TEX11: variants seen among roughly 807,000 people sequenced by gnomAD.
TEX11 encodes testis-expressed protein 11.
A neutral mutation model predicts 84.4 loss-of-function variants in TEX11; 7 were observed. The ratio of observed to expected loss-of-function variants is 0.08; its 90% CI spans 0.05 to 0.16. The LOEUF (loss-of-function observed/expected upper bound fraction) is 0.16. Ranked by LOEUF, TEX11 falls within the 10% of genes least tolerant of loss-of-function variation. TEX11 has a pLI of 1.00. For synonymous variants in TEX11, 264 were observed against 222.8 expected, an observed-to-expected ratio of 1.18 and a Z score of -1.64; for missense variants, 551 against 660.5, an observed-to-expected ratio of 0.83 and a Z score of 1.82.
At chrX:70,646,839 A>G (rs1283424126) in intron 17 of TEX11, among the ~76,000 whole-genome samples, 1 of 112,007 alleles carries the variant, frequency 8.9e-6, no homozygotes, top group African/African-American at 3.2e-5. Context: ...AAAAAAATTA[A>G]AGTAGAACTA....
At chrX:70,536,807 A>G (rs2087964868) in intron 28 of TEX11, among the ~76,000 whole-genome samples, 4 of 112,347 alleles carry the variant, frequency 3.6e-5, no homozygotes. Context: ...CTTTTAGGGA[A>G]GAATTTTAGA....
At chrX:70,570,456 C>T (rs916633931) in intron 25 of TEX11, among the ~76,000 whole-genome samples, 11 of 112,224 alleles carry the variant, frequency 9.8e-5, no homozygotes, top group Non-Finnish European at 1.5e-4. Flanking sequence ...GAGATGAACC[C>T]GGTACCTCAG....
chrX:70,639,516 C>T (rs1202153797), intron 17 of TEX11, among the ~76,000 whole-genome samples: 1 of 112,153 alleles, frequency 8.9e-6, no homozygotes, highest in African/African-American at 3.2e-5. Context: ...CTTAACTGTC[C>T]CTGTCTGACA....
At chrX:70,600,318 C>T (rs1019174864) in intron 24 of TEX11, among the ~76,000 whole-genome samples, 10 of 111,268 alleles carry the variant, frequency 9.0e-5, no homozygotes, top group Non-Finnish European at 1.3e-4. Context: ...TAAATGTCTT[C>T]GTATTGGATA....
chrX:70,831,552 C>T (rs993188960), intron 8 of TEX11, among the ~76,000 whole-genome samples: 11 of 111,014 alleles, frequency 9.9e-5, no homozygotes, highest in African/African-American at 3.3e-4. Flanking sequence ...TCACTTTAGC[C>T]GAGGAGGTTG....
chrX:70,711,485 C>T (rs1430360609), intron 13 of TEX11, among the ~76,000 whole-genome samples: 2 of 110,528 alleles, frequency 1.8e-5, no homozygotes, highest in Non-Finnish European at 3.8e-5. Context: ...GCCATTCTAA[C>T]TGGTGTGAGA....
At chrX:70,658,132 C>T (rs756637764) in intron 16 of TEX11, among the ~76,000 whole-genome samples, 4 of 111,382 alleles carry the variant, frequency 3.6e-5, no homozygotes, top group African/African-American at 9.8e-5. Context: ...TAAGAATTAG[C>T]GGTGGGGCGT....
At chrX:70,710,992 T>C (rs2090426297) in intron 13 of TEX11, among the ~76,000 whole-genome samples, 1 of 106,105 alleles carries the variant, frequency 9.4e-6, no homozygotes, top group Non-Finnish European at 1.9e-5. Flanking sequence ...CCTGTGTCCA[T>C]GTGTTCTCAT....
intron 13 of TEX11, among the ~76,000 whole-genome samples, chrX:70,692,052 A>G (rs2090239956): frequency 8.9e-6 from 1 of 111,859 alleles, no homozygotes; most frequent in Non-Finnish European, 1.9e-5. Context: ...AGTTTGGAAA[A>G]AAATATACCA....
intron 3 of TEX11, among the ~76,000 whole-genome samples, chrX:70,875,433 T>C (rs1248490191): frequency 1.8e-5 from 2 of 110,008 alleles, no homozygotes; most frequent in Non-Finnish European, 3.8e-5. Context: ...GGAATAGTAT[T>C]CATCCATTTA....
chrX:70,715,248 G>T (rs187271246), intron 13 of TEX11, among the ~76,000 whole-genome samples: 1 of 109,176 alleles, frequency 9.2e-6, no homozygotes, highest in African/African-American at 3.5e-5. Context: ...TTTCAACTTT[G>T]GTGAATCTGA....
At chrX:70,525,546 C>T (rs1293838828), downstream of TEX11, among the ~76,000 whole-genome samples, 5 of 107,036 alleles carry the variant, frequency 4.7e-5, no homozygotes, top group Non-Finnish European at 9.6e-5. Flanking sequence ...GAGATCGCAC[C>T]ACTGCCCTCC....
intron 13 of TEX11, among the ~76,000 whole-genome samples, chrX:70,695,549 G>A (rs1474686688): frequency 8.9e-6 from 1 of 111,959 alleles, no homozygotes; most frequent in African/African-American, 3.2e-5. Flanking sequence ...GCGATAATGG[G>A]TTCATAAGTA....
At chrX:70,794,389 T>C (rs927574757) in intron 9 of TEX11, among the ~76,000 whole-genome samples, 9 of 111,248 alleles carry the variant, frequency 8.1e-5, no homozygotes, top group South Asian at 3.8e-4. Context: ...CTAAAGTGCA[T>C]TGGGGTCCTA....
the TEX11 span, among the ~76,000 whole-genome samples, chrX:70,523,059 C>T: frequency 1.8e-5 from 2 of 110,024 alleles, no homozygotes; most frequent in African/African-American, 3.3e-5. Context: ...ATTTGGGGCA[C>T]GTAGTATGTT....
rs1282715251 is a variant in TEX11, at chrX:70,738,897, AATGAGAACAC to A, written c.843+1794_843+1803del. Reference sequence around the variant, plus strand: ...TCTCACTCATAAGTGGGAGTAGAACAATGAGAACACATGGACACAGGGAGGGGAACATCCA... The same window carrying A: ...TCTCACTCATAAGTGGGAGTAGAACAATGGACACAGGGAGGGGAACATCCA... On this transcript the variant is annotated intron_variant, in intron 11 of 29. Coordinates refer to ENST00000374333, the MANE Select transcript of TEX11 (RefSeq NM_031276.3). Among the ~76,000 whole-genome samples, 23 of 111,061 alleles carry A rather than the reference AATGAGAACAC, an allele frequency of 2.1e-4. No individual in the cohort carries two copies. The Admixed American group carries it at 2.2e-3, about 11-fold the overall frequency.
intron 9 of TEX11, among the ~76,000 whole-genome samples, chrX:70,774,338 T>C (rs1464997835): frequency 9.4e-6 from 1 of 106,605 alleles, no homozygotes; most frequent in African/African-American, 3.4e-5. Flanking sequence ...ACGTCCACTA[T>C]CACCACTCCT....
intron 4 of TEX11, among the ~76,000 whole-genome samples, chrX:70,864,099 T>C (rs897461157): frequency 3.6e-5 from 4 of 111,334 alleles, no homozygotes; most frequent in African/African-American, 1.3e-4. Flanking sequence ...AGACCAAACG[T>C]ATGATTGATT....
the TEX11 span, among the ~76,000 whole-genome samples, chrX:70,516,914 T>A: frequency 0.078 from 8,686 of 111,232 alleles, 426 homozygotes; most frequent in Admixed American, 0.24. Flanking sequence ...ACGATTTGGC[T>A]CTCTGTTTGT....
Sources: allele counts gnomAD v4.1 joint callset (sites outside exome capture counted in the v4.1 genomes callset), GRCh38; gene constraint gnomAD v4.1.1; transcripts MANE v1.5; gene names NCBI Gene and HGNC (gene_info 2026-07-23, HGNC 2026-07-21).